TOP1: variants seen among roughly 807,000 people sequenced by gnomAD.
TOP1 encodes the protein DNA topoisomerase I, also known as DNA topoisomerase 1.
A neutral mutation model predicts 111.1 loss-of-function variants in TOP1; 10 were observed. That is an observed-to-expected ratio of 0.09 (90% CI 0.06 to 0.15). TOP1 has a LOEUF of 0.15. Ranked by LOEUF, TOP1 falls within the 10% of genes least tolerant of loss-of-function variation. The pLI, the probability that TOP1 is intolerant of heterozygous loss-of-function variation, is 1.00. For missense variants in TOP1, 474 were observed against 926.7 expected, an observed-to-expected ratio of 0.51 and a Z score of 6.34; for synonymous variants, 271 against 302.9, an observed-to-expected ratio of 0.89 and a Z score of 1.10.
At position 41,079,235 on chromosome 20, in the gene TOP1, T is replaced by A. The variant is rs144160549; in HGVS notation, c.336-850T>A. 3.3e-3 allele frequency among the ~76,000 whole-genome samples: 505 copies of A among 152,284 alleles called. 5 individuals are homozygous for A. Among genetic ancestry groups the A allele is most frequent in the African/African-American group, 0.011 (473 of 41,550 alleles). The stretch of plus-strand genomic sequence containing the variant: ...CTTGGATCCCTCCACAGGGGGCAGC[T>A]GCATGTAAGGAGGCCATTTCTTGTA... On this transcript the variant is annotated intron_variant, in intron 5 of 20. Transcript: ENST00000361337. This position sits in a 1 kb window ranked among gnomAD's most constrained non-coding sequence, Gnocchi z 4.0.
rs1411769196 is a variant in TOP1, at chr20:41,121,283, C to T, written c.1951-413C>T. On this transcript the variant is annotated intron_variant, in intron 18 of 20. Transcript: ENST00000361337. The surrounding 1 kb of genome is among the most constrained non-coding windows in gnomAD (Gnocchi z 4.2). The stretch of plus-strand genomic sequence containing the variant: ...AGATGCAAGTATCCTGCTTCAGTTT[C>T]CTAAAGAGGAGCTCCTACAGTGTTC... 6.6e-6 allele frequency among the ~76,000 whole-genome samples: 1 copy of T among 152,102 alleles called. No individual in the cohort carries two copies. Among genetic ancestry groups the T allele is most frequent in the Non-Finnish European group, 1.5e-5 (1 of 68,016 alleles).
At position 41,101,014 on chromosome 20, in the gene TOP1, A is replaced by T. The variant is rs1477774494; in HGVS notation, c.1164-195A>T. Among the ~76,000 whole-genome samples the T allele has an allele frequency of 6.6e-6, 1 of 152,184 alleles. No individual in the cohort carries two copies. Among genetic ancestry groups the T allele is most frequent in the Non-Finnish European group, 1.5e-5 (1 of 68,030 alleles). The stretch of plus-strand genomic sequence containing the variant: ...AAACTTACAAAATGTTTATTTCTGG[A>T]ATTTTGTATTGAATATTTTCGGATG... On this transcript the variant is annotated intron_variant, in intron 12 of 20. Transcript: ENST00000361337. This position sits in a 1 kb window ranked among gnomAD's most constrained non-coding sequence, Gnocchi z 4.1.
At chr20:41,091,718 A>G (rs886471296) in intron 8 of TOP1, among the ~76,000 whole-genome samples, 16 of 151,632 alleles carry the variant, frequency 1.1e-4, no homozygotes, top group African/African-American at 3.6e-4. Flanking sequence ...CACCATGCCC[A>G]GCTAATTTTT....
Position 41,046,544 on chromosome 20 carries a change from G to A in TOP1, c.59-14850G>A, listed in dbSNP as rs1339014195. On this transcript the variant is annotated intron_variant, in intron 2 of 20. Transcript: ENST00000361337. This position sits in a 1 kb window ranked among gnomAD's most constrained non-coding sequence, Gnocchi z 4.3. The stretch of plus-strand genomic sequence containing the variant: ...AATGCAGGCTCTGCTGCACTTTAAT[G>A]TAATTCTTTCCCTATTAAGGGAAGC... 6.6e-6 allele frequency among the ~76,000 whole-genome samples: 1 copy of A among 152,202 alleles called. No homozygotes were observed. Among genetic ancestry groups the A allele is most frequent in the Non-Finnish European group, 1.5e-5 (1 of 68,034 alleles).
rs2034460614 is a variant in TOP1 at position 41,124,189 on chromosome 20, G to A, written c.*892G>A. On this transcript the variant is annotated 3_prime_UTR_variant, in exon 21 of 21. Transcript: ENST00000361337. This position sits in a 1 kb window ranked among gnomAD's most constrained non-coding sequence, Gnocchi z 5.4. ...ATTTTATTGTATAAAAAGTTTCACA[G>A]GTCAATAAACTTAGAGGAAAATGAG... 1 of 232,486 alleles carries A rather than the reference G, an allele frequency of 4.3e-6. No homozygotes were observed. Among genetic ancestry groups the A allele is most frequent in the Non-Finnish European group, 8.5e-6 (1 of 117,640 alleles). The allele number at this position is 232,486 out of a possible 1,614,324, so 14.4% of individuals were successfully genotyped here.
rs547637164 is a variant in TOP1 at position 41,058,735 on chromosome 20, G to A, written c.59-2659G>A. ...AATTAGGCTATACCTCTTGAAAAGC[G>A]GAGTAACAAACAATCTTATAGTCAA... is the stretch of plus-strand genomic sequence containing the variant. On this transcript the variant is annotated intron_variant, in intron 2 of 20. Coordinates refer to ENST00000361337, the MANE Select transcript of TOP1 (RefSeq NM_003286.4). This position sits in a 1 kb window ranked among gnomAD's most constrained non-coding sequence, Gnocchi z 4.2. Among the ~76,000 whole-genome samples, 36 of 152,244 alleles carry A rather than the reference G, an allele frequency of 2.4e-4. 1 individual carries two copies. Among genetic ancestry groups the A allele is most frequent in the African/African-American group, 8.4e-4 (35 of 41,550 alleles).
chr20:41,056,437 G>A (rs2033471964), intron 2 of TOP1, among the ~76,000 whole-genome samples: 1 of 152,110 alleles, frequency 6.6e-6, no homozygotes, highest in South Asian at 2.1e-4. Context: ...AAGTTGCCAT[G>A]TAATACACTT....
At chr20:41,039,483 T>A (rs574361994) in intron 2 of TOP1, among the ~76,000 whole-genome samples, 1 of 152,256 alleles carries the variant, frequency 6.6e-6, no homozygotes, top group South Asian at 2.1e-4. Context: ...TTACAAAAAA[T>A]GGTTTTTTTT....
intron 8 of TOP1, among the ~76,000 whole-genome samples, chr20:41,085,570 T>A (rs1486728205): frequency 6.6e-6 from 1 of 152,250 alleles, no homozygotes; most frequent in Admixed American, 6.5e-5. Flanking sequence ...ATTTTGTGTT[T>A]ATGATGAAAA....
At chr20:41,081,109 G>A (rs1028764931) in intron 6 of TOP1, 56 bp from the exon 7 acceptor site, 28 of 1,530,266 alleles carry the variant, frequency 1.8e-5, no homozygotes, top group Non-Finnish European at 2.4e-5. Context: ...TCTCCTATGA[G>A]TGAGAACTCC....
chr20:41,037,016 G>T (rs961740926), intron 2 of TOP1, among the ~76,000 whole-genome samples: 1 of 152,066 alleles, frequency 6.6e-6, no homozygotes, highest in East Asian at 1.9e-4. Context: ...ATTTTTAGTA[G>T]ATACAGGGTT....
chr20:41,089,422 C>G (rs1023749897), intron 8 of TOP1, among the ~76,000 whole-genome samples: 2 of 152,176 alleles, frequency 1.3e-5, no homozygotes, highest in Non-Finnish European at 2.9e-5. Context: ...AGTATTTGTC[C>G]TTTGTGACTG....
intron 3 of TOP1, among the ~76,000 whole-genome samples, chr20:41,063,511 C>T (rs557052503): frequency 6.6e-6 from 1 of 152,300 alleles, no homozygotes; most frequent in South Asian, 2.1e-4. Context: ...TTTGAGAAAT[C>T]TCCAAACTGC....
At chr20:41,051,976 A>C (rs2033411364) in intron 2 of TOP1, among the ~76,000 whole-genome samples, 1 of 152,216 alleles carries the variant, frequency 6.6e-6, no homozygotes, top group South Asian at 2.1e-4. Context: ...ACAACTACAC[A>C]CAAATATTGA....
chr20:41,054,327 TCA>T (rs2033442462), intron 2 of TOP1, among the ~76,000 whole-genome samples: 1 of 152,106 alleles, frequency 6.6e-6, no homozygotes, highest in Admixed American at 6.5e-5. Context: ...CCACTTTGCT[TCA>T]CACTTCTCCT....
Position 41,121,912 on chromosome 20 carries a change from T to C in TOP1, c.2046-94T>C. 1 of 1,564,924 alleles carries C rather than the reference T, an allele frequency of 6.4e-7. No homozygotes were observed. Among genetic ancestry groups the C allele is most frequent in the Non-Finnish European group, 8.7e-7 (1 of 1,146,306 alleles). On this transcript the variant is annotated intron_variant, in intron 19 of 20. Coordinates refer to ENST00000361337, the MANE Select transcript of TOP1 (RefSeq NM_003286.4). The surrounding 1 kb of genome is among the most constrained non-coding windows in gnomAD (Gnocchi z 4.2). ...AAATGTCTTTTGGAAATCTCTATACTAGGGCTTTTATTGACTCAAAGTGGC... is the reference window on the plus strand; with the variant it reads ...AAATGTCTTTTGGAAATCTCTATACCAGGGCTTTTATTGACTCAAAGTGGC...
At position 41,124,117 on chromosome 20, in the gene TOP1, T is replaced by C; in HGVS notation, c.*820T>C. ...TGTTCTGAGCATTCGCTGTACCCTT[T>C]AAGATATCCATCTTTTTCTTTTTAA... On this transcript the variant is annotated 3_prime_UTR_variant, in exon 21 of 21. Transcript: ENST00000361337. This position sits in a 1 kb window ranked among gnomAD's most constrained non-coding sequence, Gnocchi z 5.4. The C allele has an allele frequency of 4.3e-6, 1 of 233,320 alleles. No individual in the cohort carries two copies. The highest frequency in any genetic ancestry group is 8.5e-6 in the Non-Finnish European group (1 of 117,830). 14.5% of individuals were successfully genotyped at this position (233,320 alleles called of 1,614,324 possible).
At position 41,028,889 on chromosome 20, in the gene TOP1, A is replaced by G; in HGVS notation, c.-179A>G. 1.8e-6 allele frequency: 1 copy of G among 567,494 alleles called. No individual in the cohort carries two copies. The highest frequency in any genetic ancestry group is 2.1e-5 in the South Asian group (1 of 48,644). 35.2% of individuals were successfully genotyped at this position (567,494 alleles called of 1,614,324 possible). A position where few individuals can be genotyped will look rare whatever the true frequency, so the allele number is the denominator to read the frequency against. On this transcript the variant is annotated 5_prime_UTR_variant, in exon 1 of 21. Transcript: ENST00000361337. ...CTCGCCGCCCGCCCGGCAGTCAGGC[A>G]GCGTCGCCGCCGTGGTAGCAGCCTC... is the stretch of plus-strand genomic sequence containing the variant.
chr20:41,095,259 A>G lies in TOP1; in HGVS notation c.731-1961A>G, dbSNP rs550748103. ...AGACAGGGTTTTACCATGTTGGTCA[A>G]GCTGGTCTGGAACTCCTGACCTGAA... is the stretch of plus-strand genomic sequence containing the variant. On this transcript the variant is annotated intron_variant, in intron 9 of 20. Coordinates refer to ENST00000361337, the MANE Select transcript of TOP1 (RefSeq NM_003286.4). This position sits in a 1 kb window ranked among gnomAD's most constrained non-coding sequence, Gnocchi z 4.6. Among the ~76,000 whole-genome samples, 3 of 152,218 alleles carry G rather than the reference A, an allele frequency of 2.0e-5. No homozygotes were observed. Among genetic ancestry groups the G allele is most frequent in the East Asian group, 1.9e-4 (1 of 5,174 alleles).
Sources: allele counts gnomAD v4.1 joint callset (sites outside exome capture counted in the v4.1 genomes callset), GRCh38; gene constraint gnomAD v4.1.1; non-coding constraint Gnocchi (gnomAD v3.1); transcripts MANE v1.5; gene names NCBI Gene and HGNC (gene_info 2026-07-23, HGNC 2026-07-21).